Variants in AOAH observed in about 807,000 individuals in gnomAD.
The protein encoded by AOAH is acyloxyacyl hydrolase, also known as acyloxyacyl hydrolase (neutrophil).
A neutral mutation model predicts 92.2 loss-of-function variants in AOAH; 64 were observed. The observed-to-expected ratio is 0.69, with a 90% CI of 0.57 to 0.86. AOAH has a LOEUF of 0.86. Ranked by LOEUF, AOAH falls within the 40% of genes least tolerant of loss-of-function variation. The pLI, the probability that AOAH is intolerant of heterozygous loss-of-function variation, is 0.00. For synonymous variants in AOAH, 263 were observed against 254.5 expected (o/e 1.03, Z -0.32); for missense variants, 656 against 694.6 (o/e 0.94, Z 0.62).
intron 20 of AOAH, among the ~76,000 whole-genome samples, chr7:36,521,651 CTCG>C (rs1784112225): frequency 6.6e-6 from 1 of 151,952 alleles, no homozygotes. Flanking sequence ...CCAAAAAATC[CTCG>C]TCATTTTCCT....
intron 9 of AOAH, 110 bp from the exon 10 acceptor site, chr7:36,618,455 A>G: frequency 1.0e-6 from 1 of 954,310 alleles, no homozygotes; most frequent in Non-Finnish European, 1.6e-6. Flanking sequence ...GAGTAGATAA[A>G]ACCCTTTAAA....
intron 15 of AOAH, among the ~76,000 whole-genome samples, chr7:36,546,741 G>A (rs922591234): frequency 6.6e-6 from 1 of 152,224 alleles, no homozygotes; most frequent in African/African-American, 2.4e-5. Context: ...CATGCTCTGG[G>A]GGCTGGGGGA....
intron 11 of AOAH, among the ~76,000 whole-genome samples, chr7:36,600,718 G>C (rs1790506900): frequency 6.6e-6 from 1 of 152,108 alleles, no homozygotes; most frequent in African/African-American, 2.4e-5. Context: ...TTGCCCCCAA[G>C]CTGCCAAATC....
chr7:36,543,793 G>C (rs575328264), intron 15 of AOAH, among the ~76,000 whole-genome samples: 1 of 152,084 alleles, frequency 6.6e-6, no homozygotes, highest in African/African-American at 2.4e-5. Context: ...CTTTTAATTT[G>C]CATAGCAAAA....
chr7:36,552,356 AGTGTTCTGTG>A (rs1786329414), intron 13 of AOAH, among the ~76,000 whole-genome samples: 1 of 152,194 alleles, frequency 6.6e-6, no homozygotes, highest in Admixed American at 6.5e-5. Flanking sequence ...ATGGTTGCAT[AGTGTTCTGTG>A]GTGTATGTGT....
chr7:36,583,396 C>T (rs1789077866), intron 12 of AOAH, among the ~76,000 whole-genome samples: 1 of 152,056 alleles, frequency 6.6e-6, no homozygotes. Flanking sequence ...CAGCATAGGG[C>T]CAGGGAGATA....
At chr7:36,591,360 C>T (rs1402368919) in intron 12 of AOAH, among the ~76,000 whole-genome samples, 2 of 152,206 alleles carry the variant, frequency 1.3e-5, no homozygotes, top group South Asian at 4.2e-4. Flanking sequence ...GCAGACTATG[C>T]GTTTTTTGTA....
chr7:36,563,147 C>CAAAAAAAAAAAAAA (rs60240330), intron 13 of AOAH, among the ~76,000 whole-genome samples: 2 of 36,052 alleles, frequency 5.5e-5, no homozygotes, highest in African/African-American at 1.9e-4. Context: ...AACTCCGTCT[C>CAAAAAAAAAAAAAA]AAAAAAAAAA....
chr7:36,525,178 C>T, intron 19 of AOAH, among the ~76,000 whole-genome samples: 1 of 152,132 alleles, frequency 6.6e-6, no homozygotes. Flanking sequence ...TCCATGTTTG[C>T]AAAGAGAGTT....
At chr7:36,641,642 G>A (rs145374463) in intron 4 of AOAH, among the ~76,000 whole-genome samples, 4 of 152,216 alleles carry the variant, frequency 2.6e-5, no homozygotes, top group Admixed American at 1.3e-4. Context: ...CTTTCGGGCC[G>A]AGCTTTCCTT....
intron 19 of AOAH, among the ~76,000 whole-genome samples, chr7:36,527,723 T>C (rs2115925924): frequency 6.6e-6 from 1 of 152,340 alleles, no homozygotes; most frequent in South Asian, 2.1e-4. Flanking sequence ...TTTAATTCAC[T>C]TGAGGTCACC....
intron 20 of AOAH, among the ~76,000 whole-genome samples, chr7:36,515,549 C>A (rs1375964269): frequency 1.0e-5 from 1 of 96,434 alleles, no homozygotes; most frequent in Admixed American, 1.2e-4. Context: ...CAACCCCACG[C>A]CACACACACA....
intron 16 of AOAH, among the ~76,000 whole-genome samples, chr7:36,533,045 C>T (rs776385143): frequency 3.3e-5 from 5 of 152,174 alleles, no homozygotes; most frequent in Non-Finnish European, 7.4e-5. Context: ...TACAGAGGTA[C>T]ATAATAAAGT....
At chr7:36,628,150 A>G (rs1792811545) in intron 6 of AOAH, among the ~76,000 whole-genome samples, 1 of 152,128 alleles carries the variant, frequency 6.6e-6, no homozygotes, top group Admixed American at 6.5e-5. Flanking sequence ...GGGTATGGGG[A>G]AGGAGGAGGC....
intron 19 of AOAH, among the ~76,000 whole-genome samples, chr7:36,528,626 C>G (rs1039229103): frequency 6.6e-6 from 1 of 152,142 alleles, no homozygotes; most frequent in African/African-American, 2.4e-5. Flanking sequence ...GATGAGGTCT[C>G]TCTCTGTCAA....
rs367543561 is a variant in AOAH, at chr7:36,632,000, T to C, written c.521+36A>G. ...GGGGACAAGCAAAGACGTTATTACATGCTAGTGCTCAGGAAGGTAGAAATT... is the reference window on the plus strand; with the variant it reads ...GGGGACAAGCAAAGACGTTATTACACGCTAGTGCTCAGGAAGGTAGAAATT... On this transcript the variant is annotated intron_variant, in intron 6 of 20. Coordinates refer to ENST00000617537, the MANE Select transcript of AOAH (RefSeq NM_001637.4). 73 of 1,529,150 alleles carry C rather than the reference T, an allele frequency of 4.8e-5. 1 individual carries two copies. Among genetic ancestry groups the C allele is most frequent in the Non-Finnish European group, 6.1e-5 (68 of 1,113,974 alleles). 94.7% of individuals were successfully genotyped at this position (1,529,150 alleles called of 1,614,324 possible). A position where few individuals can be genotyped will look rare whatever the true frequency, so the allele number is the denominator to read the frequency against.
At chr7:36,705,250 C>T (rs1287995286) in intron 1 of AOAH, among the ~76,000 whole-genome samples, 1 of 152,136 alleles carries the variant, frequency 6.6e-6, no homozygotes, top group Admixed American at 6.6e-5. Flanking sequence ...ATCGTCTCAG[C>T]CCAAAAACTC....
At chr7:36,595,805 A>C (rs771329596) in intron 11 of AOAH, among the ~76,000 whole-genome samples, 5 of 152,236 alleles carry the variant, frequency 3.3e-5, no homozygotes, top group Non-Finnish European at 7.3e-5. Context: ...TGGCTGCAAG[A>C]AGCCTTTGTA....
chr7:36,571,241 C>T (rs181648694), intron 13 of AOAH, among the ~76,000 whole-genome samples: 1 of 152,150 alleles, frequency 6.6e-6, no homozygotes, highest in African/African-American at 2.4e-5. Flanking sequence ...ACTTTTGCCC[C>T]CCTGGGTCTC....
Sources: allele counts gnomAD v4.1 joint callset (sites outside exome capture counted in the v4.1 genomes callset), GRCh38; gene constraint gnomAD v4.1.1; transcripts MANE v1.5; gene names NCBI Gene and HGNC (gene_info 2026-07-23, HGNC 2026-07-21).